CAMKMT: variants seen among roughly 807,000 people sequenced by gnomAD.
CAMKMT encodes calmodulin-lysine N-methyltransferase, also known as CaM KMT.
A neutral mutation model predicts 48.0 loss-of-function variants in CAMKMT; 53 were observed. The observed-to-expected ratio is 1.10, with a 90% CI of 0.89 to 1.39. The LOEUF is 1.39. Ranked by LOEUF, CAMKMT falls within the 40% of genes most tolerant of loss-of-function variation. The pLI, the probability that CAMKMT is intolerant of heterozygous loss-of-function variation, is 0.00. For synonymous variants in CAMKMT, 165 were observed against 152.3 expected (o/e 1.08, Z -0.61); for missense variants, 428 against 402.7 (o/e 1.06, Z -0.54).
At chr2:44,493,409 G>T (rs1379818039) in intron 3 of CAMKMT, among the ~76,000 whole-genome samples, 1 of 152,078 alleles carries the variant, frequency 6.6e-6, no homozygotes, top group Admixed American at 6.6e-5. Flanking sequence ...CCTGCAGCCC[G>T]TTAGAAATCA....
At chr2:44,459,670 G>A (rs943091601) in intron 3 of CAMKMT, among the ~76,000 whole-genome samples, 5 of 152,050 alleles carry the variant, frequency 3.3e-5, no homozygotes, top group African/African-American at 1.2e-4. Flanking sequence ...CATATCCCCC[G>A]CAATAGGCTA....
intron 10 of CAMKMT, among the ~76,000 whole-genome samples, chr2:44,771,766 AG>A (rs1490534195): frequency 2.6e-5 from 4 of 152,198 alleles, no homozygotes; most frequent in African/African-American, 9.7e-5. Context: ...CCTTCTGTCA[AG>A]TGCCTCACAG....
chr2:44,681,541 T>C (rs1458827631), intron 3 of CAMKMT, among the ~76,000 whole-genome samples: 1 of 105,708 alleles, frequency 9.5e-6, no homozygotes, highest in Admixed American at 9.2e-5. Context: ...TCTTACCAGC[T>C]TTTTTTTTTT....
At chr2:44,763,776 C>G (rs1449928646) in intron 9 of CAMKMT, among the ~76,000 whole-genome samples, 1 of 152,192 alleles carries the variant, frequency 6.6e-6, no homozygotes, top group Non-Finnish European at 1.5e-5. Context: ...TCACTTACAG[C>G]TTACCCCAAC....
At chr2:44,526,422 G>C (rs1671406061) in intron 3 of CAMKMT, among the ~76,000 whole-genome samples, 2 of 152,184 alleles carry the variant, frequency 1.3e-5, no homozygotes, top group Non-Finnish European at 2.9e-5. Flanking sequence ...GGCTCAGGCA[G>C]TTATGCAGGC....
intron 3 of CAMKMT, among the ~76,000 whole-genome samples, chr2:44,519,723 C>T (rs1001936989): frequency 3.3e-5 from 5 of 152,144 alleles, no homozygotes; most frequent in Non-Finnish European, 5.9e-5. Context: ...ATGTGCCGGG[C>T]ACTGTGCTTC....
chr2:44,618,503 G>C lies in CAMKMT; in HGVS notation c.377-85780G>C, dbSNP rs1672014082. On this transcript the variant is annotated intron_variant, in intron 3 of 10. Coordinates refer to ENST00000378494, the MANE Select transcript of CAMKMT (RefSeq NM_024766.5). The surrounding 1 kb of genome is among the most constrained non-coding windows in gnomAD (Gnocchi z 4.0). ...TCGAAGGCTTTTCAGACTGCGATGAGATGACATTGATGATGACACGTTGAG... is the reference window on the plus strand; with the variant it reads ...TCGAAGGCTTTTCAGACTGCGATGACATGACATTGATGATGACACGTTGAG... Among the ~76,000 whole-genome samples, 1 of 152,226 alleles carries C rather than the reference G, an allele frequency of 6.6e-6. No homozygotes were observed. Among genetic ancestry groups the C allele is most frequent in the African/African-American group, 2.4e-5 (1 of 41,448 alleles).
chr2:44,579,258 A>G (rs1341893066), intron 3 of CAMKMT, among the ~76,000 whole-genome samples: 1 of 152,076 alleles, frequency 6.6e-6, no homozygotes, highest in Admixed American at 6.6e-5. Context: ...AATTTGTTAC[A>G]TGAAATGTCA....
chr2:44,674,538 C>T (rs1338038390), intron 3 of CAMKMT, among the ~76,000 whole-genome samples: 1 of 152,186 alleles, frequency 6.6e-6, no homozygotes, highest in Admixed American at 6.5e-5. Flanking sequence ...CTCAGTAACA[C>T]CTGGAAAGCT....
rs1371226849 is a variant in CAMKMT, at chr2:44,657,036, T to G, written c.377-47247T>G. 3.9e-5 allele frequency among the ~76,000 whole-genome samples: 6 copies of G among 152,178 alleles called. No individual in the cohort carries two copies. Among genetic ancestry groups the G allele is most frequent in the African/African-American group, 1.4e-4 (6 of 41,436 alleles). On this transcript the variant is annotated intron_variant, in intron 3 of 10. Coordinates refer to ENST00000378494, the MANE Select transcript of CAMKMT (RefSeq NM_024766.5). The surrounding 1 kb of genome is among the most constrained non-coding windows in gnomAD (Gnocchi z 4.3). ...TGACAGGGACATTCTGAATCCAGAC[T>G]GGGTCACATTAATGTGTTTAACAGG...
At chr2:44,460,847 C>G (rs573353202) in intron 3 of CAMKMT, among the ~76,000 whole-genome samples, 1 of 151,824 alleles carries the variant, frequency 6.6e-6, no homozygotes, top group African/African-American at 2.4e-5. Context: ...CTCAGCCTCC[C>G]GAGTAGCTGA....
chr2:44,391,012 A>G (rs748214135), intron 3 of CAMKMT, among the ~76,000 whole-genome samples: 3 of 152,174 alleles, frequency 2.0e-5, no homozygotes, highest in Non-Finnish European at 2.9e-5. Flanking sequence ...TGTATAGGAC[A>G]TTTCTCTTAA....
intron 7 of CAMKMT, among the ~76,000 whole-genome samples, chr2:44,729,723 CAAGAAAG>C (rs946836164): frequency 2.2e-4 from 34 of 151,784 alleles, no homozygotes; most frequent in Non-Finnish European, 2.4e-4. Context: ...CCGCTACAGC[CAAGAAAG>C]AAGAAAGAAG....
At position 44,658,509 on chromosome 2, in the gene CAMKMT, G is replaced by A. The variant is rs150627657; in HGVS notation, c.377-45774G>A. 1.1e-3 allele frequency among the ~76,000 whole-genome samples: 173 copies of A among 152,274 alleles called. 2 individuals are homozygous for A. The East Asian group carries it at 0.024, about 21-fold the overall frequency. On this transcript the variant is annotated intron_variant, in intron 3 of 10. Coordinates refer to ENST00000378494, the MANE Select transcript of CAMKMT (RefSeq NM_024766.5). ...AAGAATTTTTTTACAAAAGCGTGACGTCGCGTGAAGACCTTGACAGAATTA... is the reference window on the plus strand; with the variant it reads ...AAGAATTTTTTTACAAAAGCGTGACATCGCGTGAAGACCTTGACAGAATTA...
intron 3 of CAMKMT, among the ~76,000 whole-genome samples, chr2:44,637,921 T>C (rs566596917): frequency 4.0e-5 from 6 of 151,750 alleles, no homozygotes; most frequent in African/African-American, 1.5e-4. Context: ...AAAAATTAGC[T>C]GGGCATGGTG....
At chr2:44,567,689 A>AT (rs900134057) in intron 3 of CAMKMT, among the ~76,000 whole-genome samples, 1 of 152,028 alleles carries the variant, frequency 6.6e-6, no homozygotes, top group African/African-American at 2.4e-5. Context: ...AAAAGAGAGG[A>AT]TTTTCCTTGT....
chr2:44,487,203 CA>C (rs1669256224), intron 3 of CAMKMT, among the ~76,000 whole-genome samples: 1 of 151,778 alleles, frequency 6.6e-6, no homozygotes, highest in Non-Finnish European at 1.5e-5. Flanking sequence ...CTACTTTTCT[CA>C]GAGTAACATT....
intron 3 of CAMKMT, among the ~76,000 whole-genome samples, chr2:44,513,286 G>C (rs539832745): frequency 1.3e-5 from 2 of 148,180 alleles, no homozygotes; most frequent in South Asian, 4.3e-4. Flanking sequence ...CCAAAGGAGA[G>C]GGGGACTGGA....
intron 3 of CAMKMT, among the ~76,000 whole-genome samples, chr2:44,531,981 AAAT>A (rs2104828653): frequency 6.6e-6 from 1 of 152,320 alleles, no homozygotes; most frequent in African/African-American, 2.4e-5. Context: ...AAGTTAAAAC[AAAT>A]ATTATATCCT....
Sources: allele counts gnomAD v4.1 joint callset (sites outside exome capture counted in the v4.1 genomes callset), GRCh38; gene constraint gnomAD v4.1.1; non-coding constraint Gnocchi (gnomAD v3.1); transcripts MANE v1.5; gene names NCBI Gene and HGNC (gene_info 2026-07-23, HGNC 2026-07-21).